RPL3L: variants seen among roughly 807,000 people sequenced by gnomAD.
RPL3L encodes the protein ribosomal protein uL3-like.
In RPL3L, 44 loss-of-function variants were observed where a neutral mutation model predicts 44.5. That is an observed-to-expected ratio of 0.99 (90% CI 0.78 to 1.27). The LOEUF is 1.27. RPL3L is among the 50% of genes most tolerant of loss of function. The probability of loss-of-function intolerance (pLI) is 0.00; values close to 1 mark genes in which losing one functional copy is unlikely to be tolerated. For synonymous variants in RPL3L, 292 were observed against 230.7 expected (o/e 1.27, Z -2.41); for missense variants, 631 against 569.1 (o/e 1.11, Z -1.11).
chr16:1,945,538 A>G lies in RPL3L; in HGVS notation c.1128T>C (p.His376=). The change falls in exon 9 of 10, where the codon CAT becomes CAC. Residue 376 remains histidine, a synonymous_variant. Coordinates refer to ENST00000268661, the MANE Select transcript of RPL3L (RefSeq NM_005061.3). ...KFIDTTSKFG[H]GRFQTAQEKR... ...TCTCTTGGGCTGTCTGGAAGCGGCC[A>G]TGGCCGAACTTGGAGGTGGTGTCAA... is the stretch of plus-strand genomic sequence containing the variant. 2 of 1,613,700 alleles carry G rather than the reference A, an allele frequency of 1.2e-6. No individual in the cohort carries two copies. The highest frequency in any genetic ancestry group is 1.1e-5 in the South Asian group (1 of 91,054).
chr16:1,948,241 T>C (rs2083140334), intron 4 of RPL3L, among the ~76,000 whole-genome samples: 1 of 151,666 alleles, frequency 6.6e-6, no homozygotes, highest in Non-Finnish European at 1.5e-5. Context: ...CCGGCCTTTT[T>C]TTAATGGAGT....
At position 1,947,320 on chromosome 16, in the gene RPL3L, C is replaced by T. The variant is rs146305648; in HGVS notation, c.562G>A (p.Gly188Ser). The part of the protein sequence containing the change: ...AHIMEIQLNG[G>S]TVAEKVAWAQ... Reference sequence around the variant, plus strand: ...CAGGCCACCTTCTCGGCCACCGTGCCACCGTTCAGCTGGATCTCCATGATG... The same window carrying T: ...CAGGCCACCTTCTCGGCCACCGTGCTACCGTTCAGCTGGATCTCCATGATG... The change falls in exon 5 of 10, where the codon GGC becomes AGC. Residue 188 changes from glycine (G) to serine (S), a missense_variant. By Grantham distance (56) the Gly-to-Ser change is moderately conservative (BLOSUM62 0). Transcript: ENST00000268661. 1 of 1,611,390 alleles carries T rather than the reference C, an allele frequency of 6.2e-7. No individual in the cohort carries two copies. Among genetic ancestry groups the T allele is most frequent in the Non-Finnish European group, 8.5e-7 (1 of 1,179,506 alleles).
At chr16:1,948,105 T>C (rs1418362869) in intron 4 of RPL3L, among the ~76,000 whole-genome samples, 1 of 151,514 alleles carries the variant, frequency 6.6e-6, no homozygotes, top group Non-Finnish European at 1.5e-5. Context: ...GACCAGCTAA[T>C]TTTTTGTATT....
At chr16:1,947,695 G>A (rs1325230392) in intron 4 of RPL3L, among the ~76,000 whole-genome samples, 1 of 152,166 alleles carries the variant, frequency 6.6e-6, no homozygotes, top group Non-Finnish European at 1.5e-5. Flanking sequence ...AGGGCAGAGA[G>A]GGCTTCTCTG....
At chr16:1,951,726 CATTATTATTATTATTATTATT>C (rs71394716) in intron 3 of RPL3L, among the ~76,000 whole-genome samples, 13 of 138,036 alleles carry the variant, frequency 9.4e-5, no homozygotes, top group South Asian at 7.3e-4. Context: ...GGGAGGTGGA[CATTATTATTATTATTATTATT>C]ATTATTATTA....
chr16:1,947,975 T>C (rs1397940140), intron 4 of RPL3L, among the ~76,000 whole-genome samples: 6 of 146,250 alleles, frequency 4.1e-5, no homozygotes, highest in Non-Finnish European at 9.0e-5. Context: ...TCTCGCTCTA[T>C]CGCCCAGGCT....
chr16:1,946,002 C>A, intron 7 of RPL3L, 72 bp from the exon 8 acceptor site: 2 of 1,328,036 alleles, frequency 1.5e-6, no homozygotes, highest in Non-Finnish European at 2.1e-6. Context: ...GGGGCCCTAG[C>A]AGAACCCCCA....
intron 4 of RPL3L, among the ~76,000 whole-genome samples, chr16:1,948,229 G>A (rs191375077): frequency 1.3e-3 from 194 of 149,800 alleles, no homozygotes; most frequent in African/African-American, 4.0e-3. Context: ...GAGCCACCAC[G>A]CCCGGCCTTT....
chr16:1,952,363 T>C (rs1334916673), intron 3 of RPL3L, among the ~76,000 whole-genome samples: 2 of 152,074 alleles, frequency 1.3e-5, no homozygotes, highest in African/African-American at 2.4e-5. Flanking sequence ...CTAGTACTCA[T>C]GTTTTTTGTT....
chr16:1,952,149 A>G (rs1240818761), intron 3 of RPL3L, among the ~76,000 whole-genome samples: 2 of 147,630 alleles, frequency 1.4e-5, no homozygotes, highest in Admixed American at 1.4e-4. Context: ...TTGTATTTTT[A>G]GTAGAGACGG....
At chr16:1,951,094 C>T (rs1210508790) in intron 3 of RPL3L, 115 bp from the exon 4 acceptor site, 2 of 1,385,470 alleles carry the variant, frequency 1.4e-6, no homozygotes, top group Non-Finnish European at 1.9e-6. Context: ...TCTGGGACCG[C>T]CCCCCACCCG....
intron 4 of RPL3L, among the ~76,000 whole-genome samples, chr16:1,950,084 C>T (rs2083160923): frequency 1.1e-5 from 1 of 91,262 alleles, no homozygotes; most frequent in Non-Finnish European, 2.2e-5. Context: ...ATGGACGGGG[C>T]AGGTATGTAG....
chr16:1,948,516 AC>A, intron 4 of RPL3L, among the ~76,000 whole-genome samples: 1 of 151,688 alleles, frequency 6.6e-6, no homozygotes. Flanking sequence ...GAGCCACTGC[AC>A]CTGGCCTGAT....
At position 1,949,009 on chromosome 16, in the gene RPL3L, C is replaced by CTTTTTTTTTTTTTT. The variant is rs34900670; in HGVS notation, c.502-1643_502-1630dup. Among the ~76,000 whole-genome samples, 341 of 124,592 alleles carry CTTTTTTTTTTTTTT rather than the reference C, an allele frequency of 2.7e-3. 5 individuals are homozygous for CTTTTTTTTTTTTTT. The highest frequency in any genetic ancestry group is 0.01 in the African/African-American group (306 of 30,480). 81.7% of individuals were successfully genotyped at this position (124,592 alleles called of 152,430 possible). ...TACAGACGTGAGCCACCGCGCCTGG[C>CTTTTTTTTTTTTTT]TTTTTTTTTTTTTTTTTGTAGAGAT... On this transcript the variant is annotated intron_variant, in intron 4 of 9. Transcript: ENST00000268661.
chr16:1,954,551 C>A, intron 1 of RPL3L, 78 bp downstream of exon 1: 2 of 1,443,148 alleles, frequency 1.4e-6, no homozygotes, highest in Non-Finnish European at 1.9e-6. Flanking sequence ...TCTGAGGGAG[C>A]ATCCAGAAGC....
At position 1,952,988 on chromosome 16, in the gene RPL3L, A is replaced by G. The variant is rs1377524431; in HGVS notation, c.251T>C (p.Leu84Pro). Residue 84 changes from leucine (L) to proline (P), a missense_variant, in exon 3 of 10, where the codon CTA becomes CCA. Transcript: ENST00000268661. ...GTAGCCCACCACGCCCACCACCACTAGGGGCGGCGTTTCTACAATTGTCAC... is the reference window on the plus strand; with the variant it reads ...GTAGCCCACCACGCCCACCACCACTGGGGGCGGCGTTTCTACAATTGTCAC... The part of the protein sequence containing the change: ...EAVTIVETPP[L>P]VVVGVVGYVA... The G allele has an allele frequency of 6.2e-7, 1 of 1,610,874 alleles. No homozygotes were observed. The highest frequency in any genetic ancestry group is 1.3e-5 in the African/African-American group (1 of 74,700).
Position 1,952,993 on chromosome 16 carries a change from C to T in RPL3L, c.246G>A (p.Pro82=), listed in dbSNP as rs377420235. The T allele has an allele frequency of 8.1e-6, 13 of 1,610,412 alleles. No individual in the cohort carries two copies. Among genetic ancestry groups the T allele is most frequent in the African/African-American group, 2.7e-5 (2 of 74,692 alleles). ...CCACCACGCCCACCACCACTAGGGG[C>T]GGCGTTTCTACAATTGTCACCGCCT... The part of the protein sequence containing the change: ...EVEAVTIVET[P]PLVVVGVVGY... Residue 82 remains proline, a synonymous_variant, in exon 3 of 10, where the codon CCG becomes CCA. Coordinates refer to ENST00000268661, the MANE Select transcript of RPL3L (RefSeq NM_005061.3).
intron 6 of RPL3L, 32 bp downstream of exon 6, chr16:1,946,902 CCACA>C: frequency 6.3e-6 from 10 of 1,577,490 alleles, no homozygotes; most frequent in Non-Finnish European, 8.6e-6. Context: ...TGGGGTCCGA[CCACA>C]CAGTGTCCCC....
chr16:1,945,130 C>G (rs532787422), intron 9 of RPL3L, among the ~76,000 whole-genome samples: 5 of 151,860 alleles, frequency 3.3e-5, no homozygotes, highest in Admixed American at 2.0e-4. Context: ...CCGAGGCGGT[C>G]GGATCATGAG....
Sources: gnomAD v4.1 joint callset for allele counts (sites outside exome capture counted in the v4.1 genomes callset) on GRCh38, gnomAD v4.1.1 for gene constraint, MANE v1.5 for transcripts, NCBI Gene and HGNC (gene_info 2026-07-23, HGNC 2026-07-21) for gene names.